The following MAP4K3 variants were observed in gnomAD, a reference collection of about 807,000 sequenced individuals.
MAP4K3 encodes the protein mitogen-activated protein kinase kinase kinase kinase 3.
MAP4K3 carries 94 observed loss-of-function variants against 143.5 expected under a neutral mutation model. That is an observed-to-expected ratio of 0.65 (90% confidence interval 0.55 to 0.78). The LOEUF (loss-of-function observed/expected upper bound fraction) is 0.78. Ranked by LOEUF, MAP4K3 falls within the 30% of genes least tolerant of loss-of-function variation. The pLI is 0.00. For missense variants in MAP4K3, 1,077 were observed against 1,068.1 expected (o/e 1.01, Z -0.12); for synonymous variants, 416 against 347.2 (o/e 1.20, Z -2.20).
intron 1 of MAP4K3, among the ~76,000 whole-genome samples, chr2:39,403,121 A>G (rs1270442807): frequency 6.6e-6 from 1 of 152,200 alleles, no homozygotes; most frequent in African/African-American, 2.4e-5. Flanking sequence ...CACAGAAGGA[A>G]GAAAATATTT....
At chr2:39,262,411 T>A (rs1457947150) in intron 28 of MAP4K3, among the ~76,000 whole-genome samples, 3 of 152,206 alleles carry the variant, frequency 2.0e-5, no homozygotes, top group Admixed American at 6.5e-5. Context: ...TTGGGGCACA[T>A]GCTTTTGATA....
At chr2:39,341,290 T>C (rs1226336643) in intron 4 of MAP4K3, among the ~76,000 whole-genome samples, 1 of 152,004 alleles carries the variant, frequency 6.6e-6, no homozygotes, top group Non-Finnish European at 1.5e-5. Flanking sequence ...AAAATACCTA[T>C]CTATACCCAC....
At position 39,285,763 on chromosome 2, in the gene MAP4K3, T is replaced by C. The variant is rs375159462; in HGVS notation, c.1587+1089A>G. On this transcript the variant is annotated intron_variant, in intron 21 of 33. Coordinates refer to ENST00000263881, the MANE Select transcript of MAP4K3 (RefSeq NM_003618.4). ...TATAAAAATAACAAATATTAGTATA[T>C]ACAAAAACTTCCAAAAAACCCTATT... Among the ~76,000 whole-genome samples the C allele has an allele frequency of 5.3e-5, 8 of 152,238 alleles. No homozygotes were observed. In the East Asian group the frequency reaches 1.4e-3, roughly 26 times the overall value.
At chr2:39,311,559 G>T (rs770353272) in intron 13 of MAP4K3, among the ~76,000 whole-genome samples, 1 of 152,208 alleles carries the variant, frequency 6.6e-6, no homozygotes, top group Non-Finnish European at 1.5e-5. Context: ...CTGTATATGA[G>T]TTCCAAGATA....
intron 1 of MAP4K3, among the ~76,000 whole-genome samples, chr2:39,422,523 A>C (rs956973766): frequency 1.3e-5 from 2 of 152,174 alleles, no homozygotes; most frequent in African/African-American, 4.8e-5. Context: ...TGAGAAAATA[A>C]ATTTCCACTG....
At chr2:39,380,149 T>A (rs1188530930) in intron 1 of MAP4K3, among the ~76,000 whole-genome samples, 1 of 152,164 alleles carries the variant, frequency 6.6e-6, no homozygotes, top group Non-Finnish European at 1.5e-5. Flanking sequence ...AAATGATTAC[T>A]GTTCTTTTGC....
At position 39,336,398 on chromosome 2, in the gene MAP4K3, G is replaced by A. The variant is rs182375300; in HGVS notation, c.414+522C>T. ...TGAGGCAGGGGAATCACTTGAACCC[G>A]GGAGGGGAGGTTGCAGTGAGCCGAC... is the stretch of plus-strand genomic sequence containing the variant. On this transcript the variant is annotated intron_variant, in intron 6 of 33. Coordinates refer to ENST00000263881, the MANE Select transcript of MAP4K3 (RefSeq NM_003618.4). 2.3e-3 allele frequency among the ~76,000 whole-genome samples: 351 copies of A among 149,720 alleles called. 3 individuals are homozygous for A. The highest frequency in any genetic ancestry group is 8.2e-3 in the African/African-American group (334 of 40,536).
At chr2:39,332,183 T>A (rs1342833459) in intron 7 of MAP4K3, among the ~76,000 whole-genome samples, 194 bp from the exon 8 acceptor site, 6 of 152,062 alleles carry the variant, frequency 3.9e-5, no homozygotes, top group African/African-American at 7.2e-5. Flanking sequence ...TGAATACATA[T>A]CACAGCCAAA....
At chr2:39,345,628 A>C (rs148901743) in intron 3 of MAP4K3, among the ~76,000 whole-genome samples, 1 of 152,204 alleles carries the variant, frequency 6.6e-6, no homozygotes, top group East Asian at 1.9e-4. Context: ...AAATAATGCT[A>C]AAAAGAGTGG....
intron 1 of MAP4K3, among the ~76,000 whole-genome samples, chr2:39,388,656 C>G (rs896315485): frequency 2.0e-5 from 3 of 152,154 alleles, no homozygotes; most frequent in South Asian, 4.1e-4. Context: ...GCAATTTGTT[C>G]AAATCAGGCC....
chr2:39,281,298 AT>A (rs1681516341), intron 22 of MAP4K3, among the ~76,000 whole-genome samples: 1 of 152,244 alleles, frequency 6.6e-6, no homozygotes, highest in Admixed American at 6.5e-5. Flanking sequence ...TGGATTAAAA[AT>A]ATTAACATAA....
intron 7 of MAP4K3, among the ~76,000 whole-genome samples, chr2:39,332,998 C>A (rs1312095815): frequency 6.6e-6 from 1 of 151,976 alleles, no homozygotes; most frequent in Non-Finnish European, 1.5e-5. Flanking sequence ...TGTTCTTAAA[C>A]TTGCAAATTA....
chr2:39,261,812 T>C (rs1361879139), intron 28 of MAP4K3, among the ~76,000 whole-genome samples: 2 of 152,224 alleles, frequency 1.3e-5, no homozygotes, highest in African/African-American at 4.8e-5. Flanking sequence ...AATGAACATA[T>C]ACTTTATAAT....
At chr2:39,283,346 T>G (rs1236388865) in intron 21 of MAP4K3, among the ~76,000 whole-genome samples, 1 of 152,222 alleles carries the variant, frequency 6.6e-6, no homozygotes. Flanking sequence ...CCTTTTCTCC[T>G]GTGCTCCTCA....
chr2:39,353,383 C>T (rs1218677793), intron 3 of MAP4K3, among the ~76,000 whole-genome samples: 1 of 152,136 alleles, frequency 6.6e-6, no homozygotes, highest in African/African-American at 2.4e-5. Context: ...CATTATACTA[C>T]CATTTACCTT....
At chr2:39,257,529 G>A (rs572734001) in intron 31 of MAP4K3, among the ~76,000 whole-genome samples, 59 of 152,240 alleles carry the variant, frequency 3.9e-4, no homozygotes, top group African/African-American at 2.2e-4. Context: ...GGCCAGGCGC[G>A]GTGGCTCACG....
intron 12 of MAP4K3, among the ~76,000 whole-genome samples, chr2:39,319,685 G>A (rs1004387997): frequency 8.5e-5 from 13 of 152,174 alleles, no homozygotes; most frequent in African/African-American, 3.1e-4. Flanking sequence ...ATGTCATATG[G>A]TGAGCTATTA....
chr2:39,360,526 A>G (rs549257420), intron 2 of MAP4K3, among the ~76,000 whole-genome samples: 4 of 152,268 alleles, frequency 2.6e-5, no homozygotes, highest in African/African-American at 9.6e-5. Context: ...ATTTTCAGGT[A>G]TCTTTACAGC....
Position 39,288,283 on chromosome 2 carries a change from G to T in MAP4K3, c.1315-3C>A. ...TGTGGTATGAAGATAGACTTAGGCT[G>T]AAATAATATAGAAAAAGAGACCAAC... On this transcript the variant is annotated splice_polypyrimidine_tract_variant and splice_region_variant and intron_variant, in intron 19 of 33. Coordinates refer to ENST00000263881, the MANE Select transcript of MAP4K3 (RefSeq NM_003618.4). 6.2e-7 allele frequency: 1 copy of T among 1,611,950 alleles called. No homozygotes were observed. The highest frequency in any genetic ancestry group is 8.5e-7 in the Non-Finnish European group (1 of 1,178,474).
Sources: allele counts gnomAD v4.1 joint callset (sites outside exome capture counted in the v4.1 genomes callset), GRCh38; gene constraint gnomAD v4.1.1; transcripts MANE v1.5; gene names NCBI Gene and HGNC (gene_info 2026-07-23, HGNC 2026-07-21).